The following KCNJ1 variants were observed in gnomAD, a reference collection of about 807,000 sequenced individuals.
The protein encoded by KCNJ1 is potassium inwardly rectifying channel subfamily J member 1, also known as ATP-sensitive inward rectifier potassium channel 1.
KCNJ1 carries 24 observed loss-of-function variants against 21.9 expected under a neutral mutation model. The observed-to-expected ratio is 1.10, with a 90% CI of 0.79 to 1.54. The LOEUF (loss-of-function observed/expected upper bound fraction) is 1.54. KCNJ1 is among the 40% of genes most tolerant of loss of function. The pLI, the probability that KCNJ1 is intolerant of heterozygous loss-of-function variation, is 0.00. For missense variants in KCNJ1, 457 were observed against 455.4 expected, an observed-to-expected ratio of 1.00 and a Z score of -0.03; for synonymous variants, 152 against 160.9, an observed-to-expected ratio of 0.94 and a Z score of 0.42.
Position 128,839,086 on chromosome 11 carries a change from C to A in KCNJ1, c.*39G>T, listed in dbSNP as rs756187097. ...TCATAATGCTTCTAGGTACTAGGAG[C>A]TTTAGAGACTTTGCTTTACTCCCGT... On this transcript the variant is annotated 3_prime_UTR_variant, in exon 3 of 3. Coordinates refer to ENST00000392666, the MANE Select transcript of KCNJ1 (RefSeq NM_153766.3). 1.9e-6 allele frequency: 3 copies of A among 1,581,572 alleles called. No homozygotes were observed. The highest frequency in any genetic ancestry group is 2.6e-6 in the Non-Finnish European group (3 of 1,155,772).
intron 1 of KCNJ1, among the ~76,000 whole-genome samples, chr11:128,852,174 G>A (rs1943488685): frequency 6.6e-6 from 1 of 152,172 alleles, no homozygotes; most frequent in Admixed American, 6.5e-5. Context: ...GACCACACTT[G>A]GACATAGAAC....
At chr11:128,844,255 G>C (rs1283907647) in intron 2 of KCNJ1, among the ~76,000 whole-genome samples, 1 of 152,148 alleles carries the variant, frequency 6.6e-6, no homozygotes, top group Non-Finnish European at 1.5e-5. Flanking sequence ...AAGAAAACAT[G>C]GGGGAGCTGA....
At chr11:128,861,347 A>G (rs1335417901) in intron 1 of KCNJ1, among the ~76,000 whole-genome samples, 1 of 152,146 alleles carries the variant, frequency 6.6e-6, no homozygotes, top group Non-Finnish European at 1.5e-5. Context: ...GCTGGGGTCA[A>G]TGGGGATGGT....
At chr11:128,844,760 T>C (rs909082000) in intron 2 of KCNJ1, among the ~76,000 whole-genome samples, 20 of 152,100 alleles carry the variant, frequency 1.3e-4, no homozygotes, top group African/African-American at 4.8e-4. Context: ...ACAGCCACTA[T>C]GTCAAAGAGG....
At chr11:128,843,446 T>G (rs774182038) in intron 2 of KCNJ1, among the ~76,000 whole-genome samples, 5 of 152,238 alleles carry the variant, frequency 3.3e-5, no homozygotes, top group South Asian at 2.1e-4. Flanking sequence ...ATTACATTAC[T>G]GCCACTTTTT....
intron 1 of KCNJ1, 143 bp downstream of exon 1, chr11:128,867,030 G>A (rs1435916086): frequency 1.3e-5 from 2 of 152,162 alleles, no homozygotes; most frequent in Non-Finnish European, 2.9e-5. Flanking sequence ...TCCAGTGAGT[G>A]AGTTAAAACC....
intron 1 of KCNJ1, among the ~76,000 whole-genome samples, chr11:128,857,087 C>T (rs1943603683): frequency 6.6e-6 from 1 of 152,140 alleles, no homozygotes; most frequent in Admixed American, 6.5e-5. Flanking sequence ...ACTATGTTCC[C>T]ACCCCCTCTG....
Position 128,838,804 on chromosome 11 carries a change from C to A in KCNJ1, c.*321G>T, listed in dbSNP as rs1943213213. On this transcript the variant is annotated 3_prime_UTR_variant, in exon 3 of 3. Coordinates refer to ENST00000392666, the MANE Select transcript of KCNJ1 (RefSeq NM_153766.3). The stretch of plus-strand genomic sequence containing the variant: ...AAACTTTAAAAAATATTTTGTTTGG[C>A]CTGTTCATGAAACTTTTGATAATTT... The A allele has an allele frequency of 6.6e-6, 2 of 301,620 alleles. No homozygotes were observed. Among genetic ancestry groups the A allele is most frequent in the Non-Finnish European group, 6.2e-6 (1 of 161,564 alleles). 18.7% of individuals were successfully genotyped at this position (301,620 alleles called of 1,614,324 possible).
At chr11:128,842,726 G>C (rs1219207427) in intron 2 of KCNJ1, among the ~76,000 whole-genome samples, 1 of 152,158 alleles carries the variant, frequency 6.6e-6, no homozygotes, top group Admixed American at 6.5e-5. Context: ...TTGGGTTCCA[G>C]CATTGCCTTC....
chr11:128,862,837 G>C (rs1943743293), intron 1 of KCNJ1, among the ~76,000 whole-genome samples: 1 of 152,174 alleles, frequency 6.6e-6, no homozygotes. Context: ...CAAATACCCT[G>C]ATCCCCAAAA....
chr11:128,851,004 C>G, intron 1 of KCNJ1, 114 bp from the exon 2 acceptor site: 2 of 410,470 alleles, frequency 4.9e-6, no homozygotes, highest in Non-Finnish European at 6.6e-6. Context: ...CCCTCCACAT[C>G]AGCAAAGGTA....
At position 128,839,839 on chromosome 11, in the gene KCNJ1, G is replaced by A. The variant is rs1432274578; in HGVS notation, c.405C>T (p.Ala135=). 1.2e-6 allele frequency: 2 copies of A among 1,613,976 alleles called. No homozygotes were observed. The highest frequency in any genetic ancestry group is 1.7e-6 in the Non-Finnish European group (2 of 1,179,940). ...GAAAGATAAGCAGAAAAATGGCAGTGGCACACTGTTCTGTCACACACCTGA... is the reference window on the plus strand; with the variant it reads ...GAAAGATAAGCAGAAAAATGGCAGTAGCACACTGTTCTGTCACACACCTGA... ...YGFRCVTEQC[A]TAIFLLIFQS... The change falls in exon 3 of 3, where the codon GCC becomes GCT. Residue 135 remains alanine, a synonymous_variant. Transcript: ENST00000392666.
chr11:128,852,763 G>C (rs917779253), intron 1 of KCNJ1, among the ~76,000 whole-genome samples: 3 of 152,252 alleles, frequency 2.0e-5, no homozygotes, highest in African/African-American at 7.2e-5. Flanking sequence ...CTTCCCAGCT[G>C]CGTCCTCCAG....
intron 1 of KCNJ1, 129 bp downstream of exon 1, chr11:128,867,044 C>G (rs1056797173): frequency 6.6e-6 from 1 of 152,206 alleles, no homozygotes; most frequent in African/African-American, 2.4e-5. Context: ...TAAAACCATG[C>G]TTCTATCTAT....
intron 2 of KCNJ1, among the ~76,000 whole-genome samples, chr11:128,841,560 T>G (rs143214330): frequency 3.8e-4 from 58 of 152,324 alleles, no homozygotes; most frequent in African/African-American, 1.3e-3. Context: ...GTCCGCAATG[T>G]CTTCAGGGTA....
chr11:128,857,151 T>C (rs1943605044), intron 1 of KCNJ1, among the ~76,000 whole-genome samples: 1 of 152,152 alleles, frequency 6.6e-6, no homozygotes, highest in African/African-American at 2.4e-5. Context: ...TGCTGCTTCC[T>C]CCTTCAGGGC....
intron 2 of KCNJ1, among the ~76,000 whole-genome samples, chr11:128,841,985 A>C (rs534211310): frequency 2.2e-4 from 34 of 152,294 alleles, no homozygotes; most frequent in African/African-American, 8.2e-4. Context: ...CCTTGTACAC[A>C]CATCCTTTAC....
chr11:128,843,222 T>C (rs1403387880), intron 2 of KCNJ1, among the ~76,000 whole-genome samples: 1 of 152,244 alleles, frequency 6.6e-6, no homozygotes, highest in East Asian at 1.9e-4. Context: ...CTACTTTTTT[T>C]AGATAATGGC....
At chr11:128,847,753 G>A (rs1943405902) in intron 2 of KCNJ1, among the ~76,000 whole-genome samples, 1 of 152,350 alleles carries the variant, frequency 6.6e-6, no homozygotes, top group East Asian at 1.9e-4. Context: ...GTGTTTGTGA[G>A]GTCTTACCAG....
Sources: allele counts gnomAD v4.1 joint callset (sites outside exome capture counted in the v4.1 genomes callset), GRCh38; gene constraint gnomAD v4.1.1; transcripts MANE v1.5; gene names NCBI Gene and HGNC (gene_info 2026-07-23, HGNC 2026-07-21).